Variants in SLC24A2 observed in about 807,000 individuals in gnomAD.
SLC24A2 encodes sodium/potassium/calcium exchanger 2.
In SLC24A2, 36 loss-of-function variants were observed where a neutral mutation model predicts 62.0. The observed-to-expected ratio is 0.58, with a 90% CI of 0.44 to 0.77. The LOEUF is 0.77. Among genes scored for constraint, SLC24A2 ranks in the 30% least tolerant of loss-of-function variants. SLC24A2 has a pLI of 0.00. For missense variants in SLC24A2, 846 were observed against 817.9 expected (o/e 1.03, Z -0.42); for synonymous variants, 358 against 294.0 (o/e 1.22, Z -2.23).
chr9:19,813,396 C>T, the SLC24A2 span, among the ~76,000 whole-genome samples: 2 of 141,464 alleles, frequency 1.4e-5, no homozygotes, highest in Non-Finnish European at 3.0e-5. Flanking sequence ...GATCTCGGCT[C>T]ACTGCAATCT....
At chr9:19,613,784 G>A (rs565507232) in intron 4 of SLC24A2, among the ~76,000 whole-genome samples, 2 of 152,268 alleles carry the variant, frequency 1.3e-5, no homozygotes, top group South Asian at 2.1e-4. Flanking sequence ...GTTACACAAG[G>A]AGGCAGAGTA....
the SLC24A2 span, among the ~76,000 whole-genome samples, chr9:20,248,787 G>C: frequency 2.6e-5 from 4 of 152,198 alleles, no homozygotes; most frequent in African/African-American, 9.7e-5. Flanking sequence ...TGCAAATCCT[G>C]ACAATGTACA....
intron 2 of SLC24A2, among the ~76,000 whole-genome samples, chr9:19,707,941 A>G (rs1033622484): frequency 2.0e-5 from 3 of 152,194 alleles, no homozygotes; most frequent in African/African-American, 7.2e-5. Flanking sequence ...AGGGTATTCA[A>G]TTAGGAAAAG....
rs888447637 is a variant in SLC24A2, at chr9:19,686,026, A to G, written c.931-63727T>C. 3.3e-5 allele frequency among the ~76,000 whole-genome samples: 5 copies of G among 152,286 alleles called. No individual in the cohort carries two copies. In the South Asian group the frequency reaches 1.0e-3, roughly 32 times the overall value. Reference sequence around the variant, plus strand: ...ATATTCACAAACTAAGCATTCAACAAAGGTATAATATCCAGAATCTATAAG... The same window carrying G: ...ATATTCACAAACTAAGCATTCAACAGAGGTATAATATCCAGAATCTATAAG... On this transcript the variant is annotated intron_variant, in intron 2 of 10. Coordinates refer to ENST00000341998, the MANE Select transcript of SLC24A2 (RefSeq NM_020344.4).
chr9:19,843,052 C>G, the SLC24A2 span, among the ~76,000 whole-genome samples: 117 of 152,198 alleles, frequency 7.7e-4, no homozygotes, highest in African/African-American at 2.7e-3. Flanking sequence ...TAGTGTTTCT[C>G]AAGTGCTGGT....
At chr9:19,608,183 C>T (rs951133201) in intron 4 of SLC24A2, among the ~76,000 whole-genome samples, 1 of 152,152 alleles carries the variant, frequency 6.6e-6, no homozygotes, top group African/African-American at 2.4e-5. Flanking sequence ...GTAGTATAAG[C>T]TGATCTAAAA....
chr9:20,178,126 T>C, the SLC24A2 span, among the ~76,000 whole-genome samples: 2 of 152,178 alleles, frequency 1.3e-5, no homozygotes, highest in Non-Finnish European at 2.9e-5. Context: ...TTTTCAGCCT[T>C]ACAAGTACAG....
chr9:19,963,769 T>A, the SLC24A2 span, among the ~76,000 whole-genome samples: 1 of 152,100 alleles, frequency 6.6e-6, no homozygotes, highest in Non-Finnish European at 1.5e-5. Context: ...ACACTGTTGG[T>A]GGGACTGTAA....
the SLC24A2 span, among the ~76,000 whole-genome samples, chr9:19,917,888 A>AT: frequency 2.6e-5 from 4 of 152,128 alleles, no homozygotes; most frequent in Non-Finnish European, 5.9e-5. Flanking sequence ...ACAGTATTAT[A>AT]TAAGTGTGGA....
the SLC24A2 span, among the ~76,000 whole-genome samples, chr9:19,828,407 T>C: frequency 1.3e-5 from 2 of 152,114 alleles, no homozygotes; most frequent in African/African-American, 4.8e-5. Flanking sequence ...CCATAAATAA[T>C]AACTATTTAT....
chr9:19,765,206 G>C (rs1253742196), intron 2 of SLC24A2, among the ~76,000 whole-genome samples: 4 of 151,878 alleles, frequency 2.6e-5, no homozygotes, highest in Non-Finnish European at 1.5e-5. Flanking sequence ...ACATTAGATG[G>C]GTCTCCTGAA....
At chr9:19,590,993 C>T (rs1836532877) in intron 5 of SLC24A2, among the ~76,000 whole-genome samples, 1 of 152,112 alleles carries the variant, frequency 6.6e-6, no homozygotes, top group African/African-American at 2.4e-5. Context: ...CCAGAGACAC[C>T]ATTCTATCCT....
chr9:19,964,329 C>G, the SLC24A2 span, among the ~76,000 whole-genome samples: 1 of 151,734 alleles, frequency 6.6e-6, no homozygotes, highest in African/African-American at 2.4e-5. Flanking sequence ...TGTAACTAAC[C>G]TGCACATTGT....
chr9:19,562,551 G>A (rs1451095346), intron 7 of SLC24A2, among the ~76,000 whole-genome samples: 1 of 152,136 alleles, frequency 6.6e-6, no homozygotes, highest in African/African-American at 2.4e-5. Flanking sequence ...AAAGGCCTCT[G>A]AGTGCATCTT....
At chr9:19,578,662 T>G (rs754040185) in intron 5 of SLC24A2, among the ~76,000 whole-genome samples, 2 of 152,174 alleles carry the variant, frequency 1.3e-5, no homozygotes, top group Non-Finnish European at 2.9e-5. Context: ...CTGGAGAGCT[T>G]CTTTTCCTAG....
chr9:20,165,971 A>C, the SLC24A2 span, among the ~76,000 whole-genome samples: 1 of 151,946 alleles, frequency 6.6e-6, no homozygotes, highest in African/African-American at 2.4e-5. Flanking sequence ...TCCTATAGGA[A>C]AATGGAAAAA....
the SLC24A2 span, among the ~76,000 whole-genome samples, chr9:19,805,847 A>AG: frequency 5.9e-5 from 9 of 151,996 alleles, no homozygotes; most frequent in South Asian, 1.9e-3. Flanking sequence ...AAAAAAAAAA[A>AG]AAGCAAACTT....
chr9:20,081,392 A>G, the SLC24A2 span, among the ~76,000 whole-genome samples: 2 of 146,942 alleles, frequency 1.4e-5, no homozygotes, highest in African/African-American at 2.5e-5. Context: ...AAAACCAAAC[A>G]CCGCATGTTC....
At chr9:19,893,397 C>T in the SLC24A2 span, among the ~76,000 whole-genome samples, 800 of 152,286 alleles carry the variant, frequency 5.3e-3, 6 homozygotes, top group Non-Finnish European at 6.7e-3. Flanking sequence ...CAACACCACA[C>T]ATCTTGGATC....
Sources: allele counts gnomAD v4.1 joint callset (sites outside exome capture counted in the v4.1 genomes callset), GRCh38; gene constraint gnomAD v4.1.1; transcripts MANE v1.5; gene names NCBI Gene and HGNC (gene_info 2026-07-23, HGNC 2026-07-21).